The following LYRM4 variants were observed in gnomAD, a reference collection of about 807,000 sequenced individuals.
LYRM4 encodes LYR motif-containing protein 4.
Under a neutral mutation model 11.7 loss-of-function variants are expected in LYRM4, and 9 were observed. The observed-to-expected ratio is 0.77, with a 90% CI of 0.46 to 1.34. LYRM4 has a LOEUF of 1.34. LYRM4 is among the 40% of genes most tolerant of loss of function. LYRM4 has a pLI of 0.00. For missense variants in LYRM4, 133 were observed against 112.5 expected, an observed-to-expected ratio of 1.18 and a Z score of -0.82; for synonymous variants, 42 against 40.4, an observed-to-expected ratio of 1.04 and a Z score of -0.15.
intron 2 of LYRM4, among the ~76,000 whole-genome samples, chr6:5,137,578 C>G (rs1342549474): frequency 6.6e-6 from 1 of 152,200 alleles, no homozygotes; most frequent in Admixed American, 6.5e-5. Flanking sequence ...TTCCTCCTCA[C>G]AGAGGAACTC....
chr6:5,145,052 A>G (rs1231065120), intron 2 of LYRM4, among the ~76,000 whole-genome samples: 1 of 152,222 alleles, frequency 6.6e-6, no homozygotes, highest in African/African-American at 2.4e-5. Context: ...CCCCATCTCC[A>G]GGCCTGGCGC....
At chr6:5,077,056 A>G in the LYRM4 span, among the ~76,000 whole-genome samples, 5 of 152,004 alleles carry the variant, frequency 3.3e-5, no homozygotes, top group Non-Finnish European at 5.9e-5. Context: ...TCCTTCCTGA[A>G]CCCGTCCTAG....
At chr6:5,178,078 A>G (rs1483750301) in intron 2 of LYRM4, among the ~76,000 whole-genome samples, 2 of 152,152 alleles carry the variant, frequency 1.3e-5, no homozygotes, top group Admixed American at 1.3e-4. Flanking sequence ...AAGAGCAGTG[A>G]CTAAAATTGT....
chr6:5,250,290 T>G (rs1016648139), intron 1 of LYRM4, among the ~76,000 whole-genome samples: 2 of 152,148 alleles, frequency 1.3e-5, no homozygotes, highest in African/African-American at 2.4e-5. Flanking sequence ...ATTTAGAAAC[T>G]CTTGTAAACT....
Position 5,109,308 on chromosome 6 carries a change from C to A in LYRM4, c.*115G>T. On this transcript the variant is annotated 3_prime_UTR_variant, in exon 3 of 3. Transcript: ENST00000330636. ...ATGTGACTTGGTTTATCAGCTCCCACAGGACAGGCAGCGCAAAAGGCTATT... is the reference window on the plus strand; with the variant it reads ...ATGTGACTTGGTTTATCAGCTCCCAAAGGACAGGCAGCGCAAAAGGCTATT... The A allele has an allele frequency of 6.4e-7, 1 of 1,560,002 alleles. No homozygotes were observed. Among genetic ancestry groups the A allele is most frequent in the Non-Finnish European group, 8.7e-7 (1 of 1,147,908 alleles).
At chr6:5,101,968 C>CTTTTGTTTTTTTTTTT (rs1762514175), downstream of LYRM4, among the ~76,000 whole-genome samples, 1 of 67,988 alleles carries the variant, frequency 1.5e-5, no homozygotes, top group African/African-American at 4.6e-5. Context: ...CTAATGCTTT[C>CTTTTGTTTTTTTTTTT]TTTTTTTTTT....
At position 5,229,845 on chromosome 6, in the gene LYRM4, T is replaced by C. The variant is rs560972377; in HGVS notation, c.87-13107A>G. 1.2e-4 allele frequency among the ~76,000 whole-genome samples: 18 copies of C among 152,340 alleles called. 2 individuals are homozygous for C. In the South Asian group the frequency reaches 3.3e-3, roughly 28 times the overall value. ...AGAAACATCACCATTCTATAGCAGATGCTCCTTTCAGTCTCTAGAGGAAAA... is the reference window on the plus strand; with the variant it reads ...AGAAACATCACCATTCTATAGCAGACGCTCCTTTCAGTCTCTAGAGGAAAA... On this transcript the variant is annotated intron_variant, in intron 1 of 2. Coordinates refer to ENST00000330636, the MANE Select transcript of LYRM4 (RefSeq NM_020408.6).
intron 2 of LYRM4, among the ~76,000 whole-genome samples, chr6:5,172,937 C>A (rs753717769): frequency 6.6e-6 from 1 of 152,186 alleles, no homozygotes; most frequent in Non-Finnish European, 1.5e-5. Context: ...CCCAAATGAT[C>A]TGGAGTCAAG....
At chr6:5,163,645 G>C (rs1758901101) in intron 2 of LYRM4, among the ~76,000 whole-genome samples, 1 of 144,046 alleles carries the variant, frequency 6.9e-6, no homozygotes, top group Non-Finnish European at 1.5e-5. Flanking sequence ...TTTTGAGATA[G>C]AGTCTCACTA....
intron 2 of LYRM4, among the ~76,000 whole-genome samples, chr6:5,150,636 A>G (rs1029213138): frequency 2.0e-5 from 3 of 152,218 alleles, no homozygotes; most frequent in African/African-American, 7.2e-5. Context: ...CATCTGAGAT[A>G]GCAAATGTGC....
At chr6:5,123,301 T>C (rs746932294) in intron 2 of LYRM4, among the ~76,000 whole-genome samples, 20 of 152,050 alleles carry the variant, frequency 1.3e-4, no homozygotes, top group Non-Finnish European at 2.1e-4. Context: ...GAGCTGGTCA[T>C]GGAGAGTGGA....
At chr6:5,257,848 T>G (rs1158667226) in intron 1 of LYRM4, among the ~76,000 whole-genome samples, 5 of 152,160 alleles carry the variant, frequency 3.3e-5, no homozygotes, top group Non-Finnish European at 7.4e-5. Flanking sequence ...ATAGCTGTGA[T>G]ATAGCACTGG....
At chr6:5,052,997 G>C in the LYRM4 span, among the ~76,000 whole-genome samples, 1 of 152,070 alleles carries the variant, frequency 6.6e-6, no homozygotes, top group African/African-American at 2.4e-5. Flanking sequence ...TTATATTATG[G>C]AGCCATGCAA....
the LYRM4 span, among the ~76,000 whole-genome samples, chr6:5,070,267 A>G: frequency 3.9e-5 from 6 of 152,182 alleles, no homozygotes; most frequent in Non-Finnish European, 8.8e-5. Flanking sequence ...CTCTTCTGCA[A>G]GCAGAATATG....
chr6:5,146,604 C>T (rs2127632573), intron 2 of LYRM4, among the ~76,000 whole-genome samples: 1 of 152,240 alleles, frequency 6.6e-6, no homozygotes, highest in African/African-American at 2.4e-5. Flanking sequence ...GGGCCTCTTC[C>T]CAGCACAGCC....
rs749932827 is a variant in LYRM4, at chr6:5,113,281, A to G, written c.208-3790T>C. ...AACCCTGTCTCTACTAAAAATATAT[A>G]GGCCATGGTGGCACGCGCCAATAAT... On this transcript the variant is annotated intron_variant, in intron 2 of 2. Coordinates refer to ENST00000330636, the MANE Select transcript of LYRM4 (RefSeq NM_020408.6). 1.8e-5 allele frequency: 8 copies of G among 441,536 alleles called. No individual in the cohort carries two copies. In the East Asian group the frequency reaches 3.7e-4, roughly 20 times the overall value. The allele number at this position is 441,536 out of a possible 1,614,324, so 27.4% of individuals were successfully genotyped here. A position where few individuals can be genotyped will look rare whatever the true frequency, so the allele number is the denominator to read the frequency against.
chr6:5,227,506 A>T (rs1196933538), intron 1 of LYRM4, among the ~76,000 whole-genome samples: 1 of 152,136 alleles, frequency 6.6e-6, no homozygotes, highest in Non-Finnish European at 1.5e-5. Flanking sequence ...CAGAAATAGG[A>T]ATGCTTTTAT....
In LYRM4 at chr6:5,245,106, AAAAAAAAATATATATATATAT is replaced by A. The variant is rs1189157412; in HGVS notation, c.86+15521_86+15541del. Reference sequence around the variant, plus strand: ...GAAGACCTTAAAAAAAAAAAAAAAAAAAAAAAAATATATATATATATATATATATATATATATATATATATA... The same window carrying A: ...GAAGACCTTAAAAAAAAAAAAAAAAAATATATATATATATATATATATATA... On this transcript the variant is annotated intron_variant, in intron 1 of 2. Transcript: ENST00000330636. Among the ~76,000 whole-genome samples, 51 of 52,414 alleles carry A rather than the reference AAAAAAAAATATATATATATAT, an allele frequency of 9.7e-4. 1 individual carries two copies. The highest frequency in any genetic ancestry group is 3.5e-3 in the African/African-American group (44 of 12,630). 34.4% of individuals were successfully genotyped at this position (52,414 alleles called of 152,430 possible).
chr6:5,196,834 T>C (rs1437422952), intron 2 of LYRM4, among the ~76,000 whole-genome samples: 3 of 152,224 alleles, frequency 2.0e-5, no homozygotes, highest in Non-Finnish European at 4.4e-5. Flanking sequence ...AAACAATTTA[T>C]AATACATCAA....
Sources: allele counts gnomAD v4.1 joint callset (sites outside exome capture counted in the v4.1 genomes callset), GRCh38; gene constraint gnomAD v4.1.1; transcripts MANE v1.5; gene names NCBI Gene and HGNC (gene_info 2026-07-23, HGNC 2026-07-21).